STMND1: variants seen among roughly 807,000 people sequenced by gnomAD.
STMND1 encodes stathmin domain containing 1, also known as stathmin domain-containing protein 1.
A neutral mutation model predicts 23.0 loss-of-function variants in STMND1; 17 were observed. The observed-to-expected ratio is 0.74, with a 90% CI of 0.51 to 1.11. The LOEUF (loss-of-function observed/expected upper bound fraction) is 1.11. Among genes scored for constraint, STMND1 ranks in the 50% least tolerant of loss-of-function variants. The pLI is 0.00. For missense variants in STMND1, 305 were observed against 329.1 expected (o/e 0.93, Z 0.57); for synonymous variants, 114 against 119.9 (o/e 0.95, Z 0.32).
chr6:17,114,405 C>T lies in STMND1; in HGVS notation c.82-557C>T, dbSNP rs867203632. Among the ~76,000 whole-genome samples the T allele has an allele frequency of 1.1e-4, 16 of 152,138 alleles. No individual in the cohort carries two copies. In the South Asian group the frequency reaches 3.1e-3, roughly 30 times the overall value. ...TCAGCCTCCCGAGTAGCTCAGATTA[C>T]AGGCACCCGCCACCATGCCTGGCTA... On this transcript the variant is annotated intron_variant, in intron 1 of 4. Transcript: ENST00000536551.
chr6:17,123,285 A>G (rs1321924470), intron 3 of STMND1, among the ~76,000 whole-genome samples: 1 of 152,238 alleles, frequency 6.6e-6, no homozygotes, highest in African/African-American at 2.4e-5. Flanking sequence ...TTTTCATACT[A>G]TGTAGGCATA....
At chr6:17,111,688 A>G (rs993850430) in intron 1 of STMND1, among the ~76,000 whole-genome samples, 3 of 152,230 alleles carry the variant, frequency 2.0e-5, no homozygotes, top group African/African-American at 4.8e-5. Flanking sequence ...TTATTTTTAA[A>G]ACAGCTTTAT....
intron 3 of STMND1, among the ~76,000 whole-genome samples, chr6:17,123,342 C>T (rs528149290): frequency 1.2e-4 from 18 of 152,248 alleles, no homozygotes; most frequent in African/African-American, 4.1e-4. Flanking sequence ...AATGTGACAG[C>T]CTTCAGGAAT....
Position 17,131,103 on chromosome 6 carries a change from A to G in STMND1, c.*222A>G. ...CGAGGGGGAGACTTGACCAGCATAG[A>G]TATTTGGCACTCTCCTTTGTGTGGC... is the stretch of plus-strand genomic sequence containing the variant. On this transcript the variant is annotated 3_prime_UTR_variant, in exon 5 of 5. Transcript: ENST00000536551. 2 of 454,960 alleles carry G rather than the reference A, an allele frequency of 4.4e-6. No individual in the cohort carries two copies. Among genetic ancestry groups the G allele is most frequent in the Admixed American group, 3.8e-5 (1 of 26,234 alleles). The allele number at this position is 454,960 out of a possible 1,614,324, so 28.2% of individuals were successfully genotyped here.
intron 1 of STMND1, among the ~76,000 whole-genome samples, chr6:17,113,634 CTTT>C (rs35898545): frequency 5.2e-5 from 7 of 135,564 alleles, no homozygotes; most frequent in East Asian, 2.1e-4. Context: ...GTCTGCATCA[CTTT>C]TTTTTTTTTT....
chr6:17,119,900 A>T lies in STMND1; in HGVS notation c.260-707A>T, dbSNP rs1581371764. ...CCAGCGCCGTTTATTTTATAATGTG[A>T]TGGCATAAACTCGGCTGCTTATTTG... On this transcript the variant is annotated intron_variant, in intron 2 of 4. Coordinates refer to ENST00000536551, the MANE Select transcript of STMND1 (RefSeq NM_001190766.2). Among the ~76,000 whole-genome samples the T allele has an allele frequency of 2.0e-5, 3 of 152,216 alleles. No homozygotes were observed. In the South Asian group the frequency reaches 6.2e-4, roughly 32 times the overall value.
At position 17,102,340 on chromosome 6, in the gene STMND1, TAATA is replaced by T. The variant is rs1484963146; in HGVS notation, c.81+5_81+8del. On this transcript the variant is annotated splice_donor_5th_base_variant and intron_variant, in intron 1 of 4. Coordinates refer to ENST00000536551, the MANE Select transcript of STMND1 (RefSeq NM_001190766.2). ...AAGGGCTGGAAAGAGGAATTCAAGG[TAATA>T]AACAAACAAACAAACAAACAAACAA... 71 of 1,533,536 alleles carry T rather than the reference TAATA, an allele frequency of 4.6e-5. No homozygotes were observed. The highest frequency in any genetic ancestry group is 4.3e-4 in the Admixed American group (22 of 50,860). 95.0% of individuals were successfully genotyped at this position (1,533,536 alleles called of 1,614,324 possible).
At chr6:17,127,523 C>G (rs1484801145) in intron 3 of STMND1, among the ~76,000 whole-genome samples, 1 of 152,174 alleles carries the variant, frequency 6.6e-6, no homozygotes, top group African/African-American at 2.4e-5. Flanking sequence ...GCACTCCAGC[C>G]TGGGTGACAG....
intron 1 of STMND1, 119 bp from the exon 2 acceptor site, chr6:17,114,843 G>C: frequency 9.2e-7 from 1 of 1,092,504 alleles, no homozygotes; most frequent in Non-Finnish European, 1.2e-6. Context: ...ATGGCTTTCT[G>C]GTTACTATAC....
Position 17,130,830 on chromosome 6 carries a change from G to A in STMND1, c.780G>A (p.Gly260=). The change falls in exon 5 of 5, where the codon GGG becomes GGA. Residue 260 remains glycine (G), a synonymous_variant. Coordinates refer to ENST00000536551, the MANE Select transcript of STMND1 (RefSeq NM_001190766.2). ...IDRNESDESF[G]VVESDMSYNQ... ...GAAACGAAAGTGATGAAAGTTTTGGGGTCGTGGAGTCAGACATGTCCTACA... is the reference window on the plus strand; with the variant it reads ...GAAACGAAAGTGATGAAAGTTTTGGAGTCGTGGAGTCAGACATGTCCTACA... The A allele has an allele frequency of 2.0e-6, 3 of 1,535,804 alleles. No individual in the cohort carries two copies. Among genetic ancestry groups the A allele is most frequent in the Non-Finnish European group, 2.6e-6 (3 of 1,146,816 alleles).
At chr6:17,105,818 C>T (rs1247285749) in intron 1 of STMND1, among the ~76,000 whole-genome samples, 6 of 144,566 alleles carry the variant, frequency 4.2e-5, no homozygotes, top group Admixed American at 6.9e-5. Flanking sequence ...CCAGCTACTC[C>T]GGAGGCTGAG....
intron 3 of STMND1, among the ~76,000 whole-genome samples, chr6:17,126,952 T>C (rs1026067105): frequency 1.3e-5 from 2 of 152,334 alleles, no homozygotes; most frequent in East Asian, 3.9e-4. Context: ...GTCTCCACTA[T>C]GTGCTGGGCA....
chr6:17,111,661 G>T (rs1005922593), intron 1 of STMND1, among the ~76,000 whole-genome samples: 57 of 152,236 alleles, frequency 3.7e-4, no homozygotes, highest in African/African-American at 1.3e-3. Flanking sequence ...ATATAATTTA[G>T]TATGTAATTC....
chr6:17,130,154 G>C lies in STMND1; in HGVS notation c.544-440G>C, dbSNP rs1423861156. On this transcript the variant is annotated intron_variant, in intron 4 of 4. Transcript: ENST00000536551. ...CAACATCCAGTTCTTGGAATTAAAT[G>C]AAGTACGGAGTGTTCTTCATATGGA... 4.6e-5 allele frequency among the ~76,000 whole-genome samples: 7 copies of C among 152,294 alleles called. No homozygotes were observed. In the East Asian group the frequency reaches 1.4e-3, roughly 29 times the overall value.
chr6:17,131,082 G>T lies in STMND1; in HGVS notation c.*201G>T, dbSNP rs1431135559. 6.0e-6 allele frequency: 3 copies of T among 497,474 alleles called. No individual in the cohort carries two copies. The highest frequency in any genetic ancestry group is 1.0e-5 in the Non-Finnish European group (3 of 287,766). 30.8% of individuals were successfully genotyped at this position (497,474 alleles called of 1,614,324 possible). On this transcript the variant is annotated 3_prime_UTR_variant, in exon 5 of 5. Transcript: ENST00000536551. ...TGCTAGCTTTTAAAAAAAGAGCGAG[G>T]GGGAGACTTGACCAGCATAGATATT...
In STMND1 at chr6:17,102,185, C is replaced by A. The variant is rs1321351998; in HGVS notation, c.-73C>A. 7.1e-7 allele frequency: 1 copy of A among 1,407,018 alleles called. No homozygotes were observed. Among genetic ancestry groups the A allele is most frequent in the African/African-American group, 1.5e-5 (1 of 66,256 alleles). The allele number at this position is 1,407,018 out of a possible 1,614,324, so 87.2% of individuals were successfully genotyped here. ...CGCAGGAGCGCGGGACCACCGGCGC[C>A]GGAGCGCGGCAGGGAGCGCTCGCGG... On this transcript the variant is annotated 5_prime_UTR_variant, in exon 1 of 5. Coordinates refer to ENST00000536551, the MANE Select transcript of STMND1 (RefSeq NM_001190766.2).
intron 1 of STMND1, among the ~76,000 whole-genome samples, chr6:17,106,734 C>G (rs544793568): frequency 8.5e-5 from 13 of 152,258 alleles, no homozygotes; most frequent in Non-Finnish European, 1.3e-4. Flanking sequence ...ATGAAATGAA[C>G]GTGTTTGCTT....
At chr6:17,120,532 T>G in intron 2 of STMND1, 75 bp from the exon 3 acceptor site, 1 of 1,185,452 alleles carries the variant, frequency 8.4e-7, no homozygotes, top group Non-Finnish European at 1.1e-6. Context: ...TTAGAAGGCA[T>G]CCGTTTAGCA....
intron 1 of STMND1, among the ~76,000 whole-genome samples, chr6:17,107,521 A>ATCCCC (rs1268167608): frequency 6.6e-6 from 1 of 152,124 alleles, no homozygotes; most frequent in Non-Finnish European, 1.5e-5. Flanking sequence ...TCACCATTCC[A>ATCCCC]TCCCCTCCCC....
Sources: allele counts gnomAD v4.1 joint callset (sites outside exome capture counted in the v4.1 genomes callset), GRCh38; gene constraint gnomAD v4.1.1; transcripts MANE v1.5; gene names NCBI Gene and HGNC (gene_info 2026-07-23, HGNC 2026-07-21).